HEXB: variants seen among roughly 807,000 people sequenced by gnomAD.
HEXB encodes the protein beta-hexosaminidase subunit beta.
Under a neutral mutation model 71.2 loss-of-function variants are expected in HEXB, and 51 were observed. The ratio of observed to expected loss-of-function variants is 0.72; its 90% CI spans 0.57 to 0.90. The LOEUF is 0.90. HEXB is among the 40% of genes least tolerant of loss of function. HEXB has a pLI of 0.00. For missense variants in HEXB, 617 were observed against 677.0 expected (o/e 0.91, Z 0.98); for synonymous variants, 266 against 249.3 (o/e 1.07, Z -0.63).
At chr5:74,695,224 G>C (rs1185803878) in intron 3 of HEXB, among the ~76,000 whole-genome samples, 5 of 106,114 alleles carry the variant, frequency 4.7e-5, no homozygotes, top group Admixed American at 1.1e-4. Flanking sequence ...TTTTTTTTGA[G>C]ACAGAATCTT....
chr5:74,667,301 C>A (rs1045078935), intron 1 of HEXB, among the ~76,000 whole-genome samples: 6 of 152,124 alleles, frequency 3.9e-5, no homozygotes, highest in Admixed American at 3.9e-4. Context: ...TGCCTGTAAC[C>A]CCAGCTATTC....
intron 1 of HEXB, among the ~76,000 whole-genome samples, chr5:74,645,563 T>C (rs934071832): frequency 6.6e-6 from 1 of 152,242 alleles, no homozygotes; most frequent in Non-Finnish European, 1.5e-5. Flanking sequence ...TCATTCTTCC[T>C]TTGAGACTCC....
chr5:74,674,275 C>G (rs1748590350), intron 1 of HEXB, among the ~76,000 whole-genome samples: 1 of 152,088 alleles, frequency 6.6e-6, no homozygotes, highest in Admixed American at 6.5e-5. Flanking sequence ...GAAGTTAAAT[C>G]TATAACAAGA....
At chr5:74,642,270 T>G (rs945986835) in intron 1 of HEXB, among the ~76,000 whole-genome samples, 1 of 152,084 alleles carries the variant, frequency 6.6e-6, no homozygotes, top group African/African-American at 2.4e-5. Flanking sequence ...ATATATATAT[T>G]TTTTAATGCA....
intron 1 of HEXB, 64 bp downstream of exon 1, chr5:74,685,623 C>T: frequency 7.0e-7 from 1 of 1,435,298 alleles, no homozygotes; most frequent in Non-Finnish European, 9.4e-7. Context: ...CACCCCGGAG[C>T]GCTGTGCAGA....
intron 6 of HEXB, chr5:74,706,200 A>G (rs937485444): frequency 6.6e-6 from 1 of 152,252 alleles, no homozygotes; most frequent in Non-Finnish European, 1.5e-5. Context: ...CCATCATTGT[A>G]TCTCACTGTA....
intron 1 of HEXB, among the ~76,000 whole-genome samples, chr5:74,650,941 A>T (rs1023647023): frequency 1.3e-5 from 2 of 151,654 alleles, no homozygotes; most frequent in Non-Finnish European, 2.9e-5. Context: ...AAAAAAAAAA[A>T]AAAAAGGCAA....
chr5:74,705,461 G>C (rs1749364041), intron 6 of HEXB, 141 bp downstream of exon 6: 2 of 663,052 alleles, frequency 3.0e-6, no homozygotes, highest in African/African-American at 1.8e-5. Context: ...TTTTGGCTGT[G>C]ACTTAGCATT....
At chr5:74,671,367 A>G (rs998226971) in intron 1 of HEXB, among the ~76,000 whole-genome samples, 10 of 152,176 alleles carry the variant, frequency 6.6e-5, no homozygotes, top group African/African-American at 2.4e-4. Flanking sequence ...GATACGCACT[A>G]CAACCTGGAT....
intron 5 of HEXB, among the ~76,000 whole-genome samples, chr5:74,698,363 C>T (rs181110788): frequency 1.6e-4 from 24 of 151,290 alleles, no homozygotes; most frequent in Admixed American, 3.3e-4. Flanking sequence ...TGTGAGCCAC[C>T]GTGCCCAGCC....
In HEXB at chr5:74,652,622, C is replaced by A. The variant is rs1009086824; in HGVS notation, c.-377+12064C>A. On this transcript the variant is annotated intron_variant, in intron 1 of 13. Transcript: ENST00000511181. This position sits in a 1 kb window ranked among gnomAD's most constrained non-coding sequence, Gnocchi z 5.4. ...TAATCTGCTAGTTTGGTGGAAACTT[C>A]ATTTGAGTCATGTAAGGGATTCCCT... 3.3e-5 allele frequency among the ~76,000 whole-genome samples: 5 copies of A among 152,140 alleles called. No individual in the cohort carries two copies. Among genetic ancestry groups the A allele is most frequent in the Non-Finnish European group, 7.4e-5 (5 of 68,020 alleles).
intron 1 of HEXB, among the ~76,000 whole-genome samples, chr5:74,645,976 G>A (rs1747995415): frequency 6.6e-6 from 1 of 151,012 alleles, no homozygotes; most frequent in African/African-American, 2.4e-5. Flanking sequence ...ACAGTTATGT[G>A]ATTAAGAGTA....
At chr5:74,707,807 A>G (rs886096937) in intron 6 of HEXB, among the ~76,000 whole-genome samples, 78 of 81,560 alleles carry the variant, frequency 9.6e-4, no homozygotes, top group Non-Finnish European at 1.7e-3. Context: ...CCAAATCTAC[A>G]TCTGATTGGT....
intron 7 of HEXB, 82 bp downstream of exon 7, chr5:74,713,717 G>A (rs1749608291): frequency 8.6e-7 from 1 of 1,166,926 alleles, no homozygotes; most frequent in Non-Finnish European, 1.3e-6. Flanking sequence ...AGGCTGGAGT[G>A]CAGTAGTACA....
At chr5:74,669,808 T>C (rs1291224574) in intron 1 of HEXB, among the ~76,000 whole-genome samples, 1 of 152,150 alleles carries the variant, frequency 6.6e-6, no homozygotes, top group Non-Finnish European at 1.5e-5. Flanking sequence ...TGAAAAGTCA[T>C]ATCTCAATTT....
At chr5:74,670,092 A>C (rs542932268) in intron 1 of HEXB, among the ~76,000 whole-genome samples, 1 of 152,072 alleles carries the variant, frequency 6.6e-6, no homozygotes, top group African/African-American at 2.4e-5. Flanking sequence ...AAATCCATGG[A>C]CTGATTGAGA....
intron 11 of HEXB, 70 bp from the exon 12 acceptor site, chr5:74,720,358 A>G: frequency 8.6e-7 from 1 of 1,159,538 alleles, no homozygotes; most frequent in African/African-American, 1.5e-5. Flanking sequence ...GAGGAAACAA[A>G]TCTTGATGAA....
chr5:74,666,630 C>T (rs1453468991), intron 1 of HEXB, among the ~76,000 whole-genome samples: 1 of 152,226 alleles, frequency 6.6e-6, no homozygotes, highest in East Asian at 1.9e-4. Context: ...CACTGCAGAG[C>T]AGCAGCCTTG....
At chr5:74,678,367 G>C (rs1014984688) in intron 1 of HEXB, among the ~76,000 whole-genome samples, 1 of 151,872 alleles carries the variant, frequency 6.6e-6, no homozygotes, top group African/African-American at 2.4e-5. Flanking sequence ...TGCATAGCAA[G>C]TGGCCCAGAA....
Sources: allele counts gnomAD v4.1 joint callset (sites outside exome capture counted in the v4.1 genomes callset), GRCh38; gene constraint gnomAD v4.1.1; non-coding constraint Gnocchi (gnomAD v3.1); transcripts MANE v1.5; gene names NCBI Gene and HGNC (gene_info 2026-07-23, HGNC 2026-07-21).